Variants in PKIB observed in about 807,000 individuals in gnomAD.
PKIB encodes cAMP-dependent protein kinase inhibitor beta, also known as PKI-beta.
PKIB carries 2 observed loss-of-function variants against 4.5 expected under a neutral mutation model. That is an observed-to-expected ratio of 0.44 (90% CI 0.18 to 1.39). The LOEUF is 1.39. Ranked by LOEUF, PKIB falls within the 40% of genes most tolerant of loss-of-function variation. PKIB has a pLI of 0.27. For missense variants in PKIB, 94 were observed against 92.6 expected (o/e 1.02, Z -0.06); for synonymous variants, 38 against 36.0 (o/e 1.06, Z -0.20).
At chr6:122,552,400 T>A (rs987992598) in intron 2 of PKIB, among the ~76,000 whole-genome samples, 1 of 152,018 alleles carries the variant, frequency 6.6e-6, no homozygotes, top group Admixed American at 6.6e-5. Context: ...GACAGTGTCT[T>A]GCTCTGTCAC....
At chr6:122,635,062 A>C (rs947284717) in intron 2 of PKIB, among the ~76,000 whole-genome samples, 1 of 152,208 alleles carries the variant, frequency 6.6e-6, no homozygotes, top group Non-Finnish European at 1.5e-5. Context: ...TAGAATCTCC[A>C]TACTAGAACA....
chr6:122,672,746 G>A (rs1032166728), intron 2 of PKIB, among the ~76,000 whole-genome samples: 1 of 151,488 alleles, frequency 6.6e-6, no homozygotes, highest in Non-Finnish European at 1.5e-5. Context: ...TAGCAAATAA[G>A]TTATATTAGA....
chr6:122,700,458 G>A (rs1318507834), intron 3 of PKIB, among the ~76,000 whole-genome samples: 2 of 152,008 alleles, frequency 1.3e-5, no homozygotes, highest in African/African-American at 4.8e-5. Flanking sequence ...AGTTGAGTTT[G>A]AATTAATGGT....
chr6:122,548,769 C>G (rs1772581240), intron 2 of PKIB, among the ~76,000 whole-genome samples: 1 of 152,012 alleles, frequency 6.6e-6, no homozygotes, highest in Non-Finnish European at 1.5e-5. Context: ...TTGGGAATTA[C>G]AAAAGAAGAG....
At chr6:122,504,853 G>A (rs111653214) in intron 2 of PKIB, among the ~76,000 whole-genome samples, 5 of 152,222 alleles carry the variant, frequency 3.3e-5, no homozygotes, top group Middle Eastern at 3.4e-3. Flanking sequence ...CCTGTTGTGG[G>A]CCAGCCTCAA....
chr6:122,575,445 A>G (rs1773499824), intron 2 of PKIB, among the ~76,000 whole-genome samples: 1 of 152,030 alleles, frequency 6.6e-6, no homozygotes, highest in African/African-American at 2.4e-5. Context: ...AAGTCATTAT[A>G]TGAAAAAAAA....
intron 2 of PKIB, chr6:122,478,933 A>G (rs1386109434): frequency 6.6e-6 from 1 of 152,202 alleles, no homozygotes; most frequent in Non-Finnish European, 1.5e-5. Context: ...TGGGAAAAGC[A>G]TAGTATCTGG....
chr6:122,557,324 A>T (rs1043420852), intron 2 of PKIB, among the ~76,000 whole-genome samples: 1 of 152,170 alleles, frequency 6.6e-6, no homozygotes, highest in African/African-American at 2.4e-5. Context: ...TTTCAACTCA[A>T]CCGATACCTG....
chr6:122,486,948 TCTAA>T (rs1382105062), intron 2 of PKIB, among the ~76,000 whole-genome samples: 1 of 100,438 alleles, frequency 1.0e-5, no homozygotes, highest in East Asian at 2.6e-4. Context: ...TATCTATCTA[TCTAA>T]CTACTATTTT....
intron 3 of PKIB, among the ~76,000 whole-genome samples, chr6:122,687,975 ACTT>A (rs1778159305): frequency 1.3e-5 from 2 of 151,646 alleles, no homozygotes; most frequent in South Asian, 4.2e-4. Context: ...TCTAGCTAGG[ACTT>A]CCAGTACTAT....
chr6:122,659,396 A>G lies in PKIB; in HGVS notation c.-75-15682A>G, dbSNP rs372590228. Among the ~76,000 whole-genome samples the G allele has an allele frequency of 3.9e-5, 6 of 152,310 alleles. No individual in the cohort carries two copies. In the East Asian group the frequency reaches 1.2e-3, roughly 29 times the overall value. On this transcript the variant is annotated intron_variant, in intron 2 of 4. Transcript: ENST00000368452. ...TTATGCAAAATTTAATTATGCTTTTAAAGACATTGTGCATAATCGATCTAT... is the reference window on the plus strand; with the variant it reads ...TTATGCAAAATTTAATTATGCTTTTGAAGACATTGTGCATAATCGATCTAT...
intron 2 of PKIB, among the ~76,000 whole-genome samples, chr6:122,488,467 G>A (rs1251576165): frequency 6.6e-6 from 1 of 152,058 alleles, no homozygotes; most frequent in African/African-American, 2.4e-5. Context: ...GTCTCACTGT[G>A]TTGCCCAGGC....
In PKIB at chr6:122,501,003, C is replaced by A. The variant is rs547323345; in HGVS notation, c.-248+23064C>A. Reference sequence around the variant, plus strand: ...TCTGCCCCCATGATTCAATCACCCCCCACCAGGACCCTCTCCCAACACGTG... The same window carrying A: ...TCTGCCCCCATGATTCAATCACCCCACACCAGGACCCTCTCCCAACACGTG... On this transcript the variant is annotated intron_variant, in intron 2 of 6. Coordinates refer to the PKIB transcript ENST00000392491. 9.9e-5 allele frequency among the ~76,000 whole-genome samples: 15 copies of A among 152,186 alleles called. 1 individual carries two copies. In the South Asian group the frequency reaches 3.1e-3, roughly 32 times the overall value.
chr6:122,647,640 T>C (rs1253800697), intron 2 of PKIB, among the ~76,000 whole-genome samples: 1 of 152,216 alleles, frequency 6.6e-6, no homozygotes, highest in Non-Finnish European at 1.5e-5. Flanking sequence ...TGATGTAAAG[T>C]TAGCTATTAT....
chr6:122,525,059 AT>A (rs34629407), intron 2 of PKIB, among the ~76,000 whole-genome samples: 20,297 of 147,172 alleles, frequency 0.14, 1,492 homozygotes, highest in East Asian at 0.26. Context: ...TAGGTTGTTA[AT>A]TTTTTTTTTA....
intron 2 of PKIB, among the ~76,000 whole-genome samples, chr6:122,510,811 T>C (rs191428900): frequency 2.0e-4 from 31 of 152,262 alleles, no homozygotes; most frequent in African/African-American, 7.5e-4. Flanking sequence ...GTTCCTTCAC[T>C]GTAATGAATG....
intron 2 of PKIB, among the ~76,000 whole-genome samples, chr6:122,510,442 G>A (rs917616297): frequency 2.0e-5 from 3 of 152,044 alleles, no homozygotes; most frequent in Non-Finnish European, 2.9e-5. Flanking sequence ...TGTTATTAAC[G>A]GCAGGGATGA....
chr6:122,514,295 A>G (rs1335821035), intron 2 of PKIB, among the ~76,000 whole-genome samples: 1 of 152,084 alleles, frequency 6.6e-6, no homozygotes, highest in Non-Finnish European at 1.5e-5. Flanking sequence ...GTATGCCTGG[A>G]AAAAAACCCA....
intron 2 of PKIB, among the ~76,000 whole-genome samples, chr6:122,562,487 T>G (rs1338150006): frequency 1.3e-5 from 2 of 152,210 alleles, no homozygotes; most frequent in Non-Finnish European, 2.9e-5. Flanking sequence ...GCTTTTCGTA[T>G]TTGGATGTCT....
Sources: gnomAD v4.1 joint callset for allele counts (sites outside exome capture counted in the v4.1 genomes callset) on GRCh38, gnomAD v4.1.1 for gene constraint, MANE v1.5 for transcripts, NCBI Gene and HGNC (gene_info 2026-07-23, HGNC 2026-07-21) for gene names.